The following PDE11A variants were observed in gnomAD, a reference collection of about 807,000 sequenced individuals.
PDE11A encodes the protein phosphodiesterase 11A.
A neutral mutation model predicts 100.5 loss-of-function variants in PDE11A; 100 were observed. The ratio of observed to expected loss-of-function variants is 1.00; its 90% CI spans 0.85 to 1.18. The LOEUF is 1.18. PDE11A is among the 50% of genes most tolerant of loss of function. The probability of loss-of-function intolerance (pLI) is 0.00; values close to 1 mark genes in which losing one functional copy is unlikely to be tolerated. For missense variants in PDE11A, 1,141 were observed against 1,152.6 expected (o/e 0.99, Z 0.15); for synonymous variants, 381 against 420.8 (o/e 0.91, Z 1.16).
intron 2 of PDE11A, chr2:177,998,909 C>T: frequency 4.1e-6 from 2 of 489,344 alleles, no homozygotes; most frequent in Non-Finnish European, 7.5e-6. Flanking sequence ...ACAATGGAAA[C>T]ATCCATGGCA....
At position 178,071,650 on chromosome 2, in the gene PDE11A, C is replaced by G. The variant is rs758912781; in HGVS notation, c.788G>C (p.Gly263Ala). Residue 263 changes from glycine to alanine, a missense_variant, in exon 1 of 20, where the codon GGA (glycine) becomes GCA (alanine). Physicochemically the swap from Gly to Ala is moderately conservative, Grantham distance 60. Transcript: ENST00000286063. ...GCTGCTGCAAGGCAGCAGAGGTGTT[C>G]CTGCATGCACATCAAAGAATTTGGA... ...LVSKFFDVHA[G>A]TPLLPCSSTE... 1.9e-6 allele frequency: 3 copies of G among 1,613,182 alleles called. No individual in the cohort carries two copies. The South Asian group carries it at 3.3e-5, about 18-fold the overall frequency.
At chr2:177,971,231 T>A (rs1219165142) in intron 2 of PDE11A, among the ~76,000 whole-genome samples, 1 of 152,230 alleles carries the variant, frequency 6.6e-6, no homozygotes, top group Non-Finnish European at 1.5e-5. Flanking sequence ...GGCTATTTCA[T>A]AACAATACAA....
intron 3 of PDE11A, among the ~76,000 whole-genome samples, chr2:177,899,759 C>A (rs994880860): frequency 1.4e-5 from 2 of 147,860 alleles, no homozygotes; most frequent in African/African-American, 4.9e-5. Context: ...AATATATATA[C>A]CCTCCATATA....
intron 9 of PDE11A, among the ~76,000 whole-genome samples, chr2:177,787,201 T>C (rs377463151): frequency 0.014 from 1,990 of 146,576 alleles, 17 homozygotes; most frequent in Middle Eastern, 0.021. Flanking sequence ...CGGCAGAAAC[T>C]CTACAAGCCA....
intron 12 of PDE11A, among the ~76,000 whole-genome samples, chr2:177,724,354 C>A (rs1046814610): frequency 2.0e-5 from 3 of 151,632 alleles, no homozygotes; most frequent in African/African-American, 7.3e-5. Context: ...GGAACAAAAC[C>A]GCTTTGTTAC....
rs557013485 is a variant in PDE11A, at chr2:177,687,710, G to A, written c.2346-6807C>T. On this transcript the variant is annotated intron_variant, in intron 15 of 19. Transcript: ENST00000286063. The stretch of plus-strand genomic sequence containing the variant: ...TGTATATGAATATGTACATGTATAT[G>A]TAAAATTGCTGGGTCATAGAATGAC... 4 of 152,246 alleles carry A rather than the reference G, an allele frequency of 2.6e-5. No homozygotes were observed. In the South Asian group the frequency reaches 8.3e-4, roughly 32 times the overall value. The allele number at this position is 152,246 out of a possible 1,614,324, so 9.4% of individuals were successfully genotyped here. A position where few individuals can be genotyped will look rare whatever the true frequency, so the allele number is the denominator to read the frequency against.
chr2:177,855,896 C>T (rs192193945), intron 5 of PDE11A, among the ~76,000 whole-genome samples: 2,822 of 126,020 alleles, frequency 0.022, 53 homozygotes, highest in South Asian at 0.06. Context: ...ACATCTAGAA[C>T]GTATGCAACA....
chr2:177,810,415 G>A (rs1424328166), intron 9 of PDE11A, among the ~76,000 whole-genome samples: 1 of 152,252 alleles, frequency 6.6e-6, no homozygotes, highest in East Asian at 1.9e-4. Flanking sequence ...GACAATGTAG[G>A]GCAAACAGGA....
At chr2:178,083,099 ATTTT>A (rs71870174) in intron 2 of PDE11A, among the ~76,000 whole-genome samples, 1 of 138,768 alleles carries the variant, frequency 7.2e-6, no homozygotes. Flanking sequence ...TAAAACTAAA[ATTTT>A]TTTTTTTTTT....
intron 2 of PDE11A, among the ~76,000 whole-genome samples, chr2:177,926,588 TC>T (rs2085127107): frequency 6.6e-6 from 1 of 151,798 alleles, no homozygotes; most frequent in Admixed American, 6.6e-5. Flanking sequence ...ACAGCAAGTT[TC>T]AGATTTTAAG....
intron 10 of PDE11A, among the ~76,000 whole-genome samples, chr2:177,741,327 T>A: frequency 6.6e-6 from 1 of 152,302 alleles, no homozygotes; most frequent in Non-Finnish European, 1.5e-5. Flanking sequence ...TGTAGGACAC[T>A]AGTCATTGGA....
At chr2:177,749,504 T>C (rs1050698791) in intron 10 of PDE11A, among the ~76,000 whole-genome samples, 1 of 152,178 alleles carries the variant, frequency 6.6e-6, no homozygotes, top group Non-Finnish European at 1.5e-5. Flanking sequence ...AAAGTTATTC[T>C]TTCCTTTCTG....
intron 10 of PDE11A, among the ~76,000 whole-genome samples, chr2:177,729,795 G>T (rs1048873590): frequency 1.3e-5 from 2 of 152,016 alleles, no homozygotes; most frequent in South Asian, 2.1e-4. Flanking sequence ...AATGTGCCTT[G>T]GTGTGAGTTT....
chr2:177,674,323 A>T (rs2105494733), intron 17 of PDE11A, among the ~76,000 whole-genome samples: 1 of 152,316 alleles, frequency 6.6e-6, no homozygotes, highest in Non-Finnish European at 1.5e-5. Flanking sequence ...ATTCTGTCAT[A>T]GTTCTGGAGG....
chr2:177,771,046 C>G (rs966535552), intron 9 of PDE11A, among the ~76,000 whole-genome samples: 1 of 152,160 alleles, frequency 6.6e-6, no homozygotes, highest in African/African-American at 2.4e-5. Flanking sequence ...CCAGGCTGGT[C>G]TGAAACTCCT....
intron 9 of PDE11A, among the ~76,000 whole-genome samples, chr2:177,790,464 A>G (rs2082613071): frequency 6.6e-6 from 1 of 151,888 alleles, no homozygotes; most frequent in Non-Finnish European, 1.5e-5. Flanking sequence ...ATTACCATTC[A>G]GGACATAGGC....
At chr2:177,731,556 C>G (rs2081690741) in intron 10 of PDE11A, among the ~76,000 whole-genome samples, 1 of 152,186 alleles carries the variant, frequency 6.6e-6, no homozygotes, top group Non-Finnish European at 1.5e-5. Context: ...CACCCTCACC[C>G]TCTGCACTGA....
intron 2 of PDE11A, among the ~76,000 whole-genome samples, chr2:177,965,724 TA>T (rs1175949839): frequency 6.6e-6 from 1 of 152,198 alleles, no homozygotes; most frequent in Non-Finnish European, 1.5e-5. Flanking sequence ...TTTATTTGTT[TA>T]TTTTTGTATC....
intron 1 of PDE11A, among the ~76,000 whole-genome samples, chr2:178,041,527 A>C (rs1466300689): frequency 1.3e-5 from 2 of 152,196 alleles, no homozygotes; most frequent in Non-Finnish European, 2.9e-5. Flanking sequence ...GGTGTGAGCC[A>C]TCGCACCCGG....
Sources: gnomAD v4.1 joint callset for allele counts (sites outside exome capture counted in the v4.1 genomes callset) on GRCh38, gnomAD v4.1.1 for gene constraint, MANE v1.5 for transcripts, NCBI Gene and HGNC (gene_info 2026-07-23, HGNC 2026-07-21) for gene names.